The following CSMD1 variants were observed in gnomAD, a reference collection of about 807,000 sequenced individuals.
CSMD1 encodes CUB and sushi domain-containing protein 1.
In CSMD1, 213 loss-of-function variants were observed where a neutral mutation model predicts 417.5. That is an observed-to-expected ratio of 0.51 (90% confidence interval 0.46 to 0.57). CSMD1 has a LOEUF of 0.57. Among genes scored for constraint, CSMD1 ranks in the 20% least tolerant of loss-of-function variants. The pLI is 0.00. For missense variants in CSMD1, 6,923 were observed against 4,529.7 expected (o/e 1.53, Z -15.17); for synonymous variants, 2,862 against 1,736.8 (o/e 1.65, Z -16.11).
chr8:3,642,505 A>G (rs1797357625), intron 7 of CSMD1, among the ~76,000 whole-genome samples: 1 of 152,218 alleles, frequency 6.6e-6, no homozygotes, highest in Admixed American at 6.5e-5. Flanking sequence ...TCTCTGGAGA[A>G]AAACTGCCTT....
At chr8:3,728,440 T>G (rs1355808988) in intron 6 of CSMD1, among the ~76,000 whole-genome samples, 2 of 152,192 alleles carry the variant, frequency 1.3e-5, no homozygotes, top group African/African-American at 4.8e-5. Context: ...CTAAACGTTG[T>G]GAAGATGGTA....
At chr8:4,438,816 G>T (rs756405578) in intron 2 of CSMD1, among the ~76,000 whole-genome samples, 6 of 152,282 alleles carry the variant, frequency 3.9e-5, no homozygotes, top group African/African-American at 1.4e-4. Flanking sequence ...TATTATTCAA[G>T]ATCTAATTCT....
At chr8:3,225,323 A>T (rs1031295703) in intron 27 of CSMD1, among the ~76,000 whole-genome samples, 9 of 152,248 alleles carry the variant, frequency 5.9e-5, no homozygotes, top group African/African-American at 2.2e-4. Context: ...TTCCACAGAT[A>T]TACGTTCAAG....
intron 48 of CSMD1, among the ~76,000 whole-genome samples, chr8:3,088,939 AG>A (rs1341534098): frequency 6.6e-6 from 1 of 152,036 alleles, no homozygotes; most frequent in Non-Finnish European, 1.5e-5. Context: ...TAAAGTTTGC[AG>A]GAAGTGAGAC....
intron 10 of CSMD1, among the ~76,000 whole-genome samples, chr8:3,559,597 A>G (rs1793729874): frequency 6.6e-6 from 1 of 152,212 alleles, no homozygotes; most frequent in South Asian, 2.1e-4. Flanking sequence ...AGTCTTAAAA[A>G]TAAGTACCCA....
chr8:3,252,217 T>G (rs555537063), intron 26 of CSMD1, among the ~76,000 whole-genome samples: 9 of 152,214 alleles, frequency 5.9e-5, no homozygotes, highest in Non-Finnish European at 1.3e-4. Context: ...ATAGCTCTTA[T>G]TATTTTGAAA....
intron 41 of CSMD1, chr8:3,127,754 T>C (rs889518865): frequency 1.3e-5 from 2 of 152,138 alleles, no homozygotes; most frequent in South Asian, 2.1e-4. Context: ...GATTTTGGCA[T>C]TGAATAAGTT....
chr8:3,147,601 C>A (rs1269408202), intron 40 of CSMD1, among the ~76,000 whole-genome samples: 1 of 152,156 alleles, frequency 6.6e-6, no homozygotes, highest in African/African-American at 2.4e-5. Context: ...TTGAGGCTTC[C>A]TGCACACAGT....
intron 5 of CSMD1, among the ~76,000 whole-genome samples, chr8:3,897,017 C>A (rs1014772013): frequency 6.6e-6 from 1 of 151,914 alleles, no homozygotes; most frequent in Non-Finnish European, 1.5e-5. Context: ...GAGCAACTTA[C>A]TTGCTCCCTG....
chr8:4,038,754 T>C (rs1364265394), intron 3 of CSMD1, among the ~76,000 whole-genome samples: 2 of 152,316 alleles, frequency 1.3e-5, no homozygotes, highest in Middle Eastern at 3.4e-3. Context: ...TGCAGACATT[T>C]GGTAACGTGA....
chr8:3,286,546 G>T (rs750694646), intron 25 of CSMD1, among the ~76,000 whole-genome samples: 17 of 152,232 alleles, frequency 1.1e-4, no homozygotes, highest in African/African-American at 3.4e-4. Flanking sequence ...GTATCTCATT[G>T]TGGTTTTGAT....
chr8:3,107,756 T>G lies in CSMD1; in HGVS notation c.6797A>C (p.Gln2266Pro). ...KKCQPPPAVP[Q>P]AEMLTEDDDF... ...ATCATCCTCAGTAAGCATTTCTGCC[T>G]GTGGAACCGCTGGGGGAGGTTGACA... The change falls in exon 45 of 70, where the codon CAG (glutamine) becomes CCG (proline). Residue 2266 changes from glutamine to proline, a missense_variant. Coordinates refer to ENST00000635120, the MANE Select transcript of CSMD1 (RefSeq NM_033225.6). The G allele has an allele frequency of 6.3e-7, 1 of 1,593,572 alleles. No homozygotes were observed. Among genetic ancestry groups the G allele is most frequent in the Non-Finnish European group, 8.5e-7 (1 of 1,173,120 alleles).
intron 3 of CSMD1, among the ~76,000 whole-genome samples, chr8:4,367,498 C>T (rs886811612): frequency 6.6e-6 from 1 of 152,138 alleles, no homozygotes; most frequent in Non-Finnish European, 1.5e-5. Context: ...AGTGTGATAC[C>T]TCCAGCTTTG....
chr8:3,338,628 C>G (rs1222988962), intron 23 of CSMD1, among the ~76,000 whole-genome samples: 1 of 152,114 alleles, frequency 6.6e-6, no homozygotes, highest in African/African-American at 2.4e-5. Context: ...TCCCGTGATA[C>G]CAGCTATGCA....
At chr8:4,627,912 C>A (rs1297255450) in intron 2 of CSMD1, among the ~76,000 whole-genome samples, 1 of 152,038 alleles carries the variant, frequency 6.6e-6, no homozygotes, top group Non-Finnish European at 1.5e-5. Flanking sequence ...TGTGAGATAT[C>A]CTGTCCACTG....
At chr8:4,680,950 ATG>A (rs71209112) in intron 1 of CSMD1, among the ~76,000 whole-genome samples, 5,481 of 144,286 alleles carry the variant, frequency 0.038, 143 homozygotes, top group South Asian at 0.054. Flanking sequence ...ATCTATATTG[ATG>A]TGTGTGTGTG....
At chr8:3,772,931 A>G (rs1423606099) in intron 5 of CSMD1, among the ~76,000 whole-genome samples, 1 of 152,030 alleles carries the variant, frequency 6.6e-6, no homozygotes, top group Non-Finnish European at 1.5e-5. Flanking sequence ...TATGGCTCAC[A>G]GTTCTGGGGT....
chr8:4,641,406 C>T (rs1317961802), intron 1 of CSMD1, among the ~76,000 whole-genome samples: 1 of 152,016 alleles, frequency 6.6e-6, no homozygotes, highest in Non-Finnish European at 1.5e-5. Flanking sequence ...TCCTTAATAC[C>T]ACAACCTTCC....
intron 48 of CSMD1, among the ~76,000 whole-genome samples, chr8:3,087,581 C>A (rs912347261): frequency 6.6e-6 from 1 of 152,186 alleles, no homozygotes; most frequent in African/African-American, 2.4e-5. Flanking sequence ...CTGGGACACA[C>A]TGGAAGAAGA....
Sources: gnomAD v4.1 joint callset for allele counts (sites outside exome capture counted in the v4.1 genomes callset) on GRCh38, gnomAD v4.1.1 for gene constraint, MANE v1.5 for transcripts, NCBI Gene and HGNC (gene_info 2026-07-23, HGNC 2026-07-21) for gene names.